Variants in ERN1 observed in about 807,000 individuals in gnomAD.
ERN1 encodes serine/threonine-protein kinase/endoribonuclease IRE1.
ERN1 carries 39 observed loss-of-function variants against 113.1 expected under a neutral mutation model. That is an observed-to-expected ratio of 0.34 (90% CI 0.27 to 0.45). ERN1 has a LOEUF of 0.45. Ranked by LOEUF, ERN1 falls within the 20% of genes least tolerant of loss-of-function variation. The probability of loss-of-function intolerance (pLI) is 1.00; values close to 1 mark genes in which losing one functional copy is unlikely to be tolerated. For synonymous variants in ERN1, 507 were observed against 515.9 expected (o/e 0.98, Z 0.23); for missense variants, 976 against 1,274.8 (o/e 0.77, Z 3.57).
intron 3 of ERN1, chr17:64,080,552 C>A (rs1913735136): frequency 4.1e-6 from 2 of 486,336 alleles, no homozygotes; most frequent in Non-Finnish European, 7.4e-6. Context: ...TGAGTTTCAT[C>A]TCAAATAAGC....
chr17:64,043,643 C>T lies in ERN1; in HGVS notation c.*345G>A, dbSNP rs777889741. 9.9e-6 allele frequency: 2 copies of T among 201,676 alleles called. No homozygotes were observed. Among genetic ancestry groups the T allele is most frequent in the Non-Finnish European group, 9.9e-6 (1 of 100,980 alleles). 12.5% of individuals were successfully genotyped at this position (201,676 alleles called of 1,614,324 possible). ...TTCCCTCCTCTCCCTTCCTGAAAGG[C>T]CTGTAGACTGACATTAAGCAGGAAT... On this transcript the variant is annotated 3_prime_UTR_variant, in exon 22 of 22. Transcript: ENST00000433197.
intron 2 of ERN1, among the ~76,000 whole-genome samples, chr17:64,089,483 T>G (rs774322200): frequency 1.3e-5 from 2 of 152,110 alleles, no homozygotes; most frequent in African/African-American, 2.4e-5. Context: ...ATTTTCAGAT[T>G]TGAGATGTTC....
At chr17:64,083,055 T>C (rs1913816797) in intron 2 of ERN1, among the ~76,000 whole-genome samples, 1 of 152,314 alleles carries the variant, frequency 6.6e-6, no homozygotes, top group Non-Finnish European at 1.5e-5. Flanking sequence ...AATGACCTAA[T>C]TCTGTAAATG....
chr17:64,117,730 C>G (rs990325898), intron 1 of ERN1, among the ~76,000 whole-genome samples: 1 of 152,130 alleles, frequency 6.6e-6, no homozygotes, highest in South Asian at 2.1e-4. Context: ...GACAGGTGAG[C>G]GAGAGCCGAT....
intron 2 of ERN1, among the ~76,000 whole-genome samples, chr17:64,089,691 G>A (rs1430050275): frequency 6.6e-6 from 1 of 152,114 alleles, no homozygotes; most frequent in Non-Finnish European, 1.5e-5. Context: ...AGATAGACCC[G>A]AGCCGGGGTG....
rs1912342699 is a variant in ERN1, at chr17:64,041,706, T to C, written c.*2282A>G. The C allele has an allele frequency of 6.6e-6, 1 of 152,210 alleles. No individual in the cohort carries two copies. Among genetic ancestry groups the C allele is most frequent in the South Asian group, 2.1e-4 (1 of 4,830 alleles). 9.4% of individuals were successfully genotyped at this position (152,210 alleles called of 1,614,324 possible). On this transcript the variant is annotated 3_prime_UTR_variant, in exon 22 of 22. Transcript: ENST00000433197. The stretch of plus-strand genomic sequence containing the variant: ...GCCCTTCCCCACACACTTTGGTTTC[T>C]TTGTGGCAGCAACACTTTTTTATTG...
At chr17:64,066,143 G>GAC (rs374480510) in intron 8 of ERN1, among the ~76,000 whole-genome samples, 27 of 151,784 alleles carry the variant, frequency 1.8e-4, no homozygotes, top group African/African-American at 5.1e-4. Flanking sequence ...CTGAGTCTTG[G>GAC]ACACACACAC....
chr17:64,066,868 G>A lies in ERN1; in HGVS notation c.645C>T (p.Asp215=), dbSNP rs367596145. ...AGGCGTAGTTTTGGATCCACAGGAC[G>A]TCCCCAGATTCACTGTCCACAGTCA... ...LVVTVDSESG[D]VLWIQNYASP... Residue 215 remains aspartate (D), a synonymous_variant, in exon 8 of 22, where the codon GAC becomes GAT. Coordinates refer to ENST00000433197, the MANE Select transcript of ERN1 (RefSeq NM_001433.5). The A allele has an allele frequency of 9.9e-6, 16 of 1,613,866 alleles. No individual in the cohort carries two copies. In the African/African-American group the frequency reaches 1.2e-4, roughly 12 times the overall value.
intron 1 of ERN1, among the ~76,000 whole-genome samples, chr17:64,112,493 C>T (rs1217307555): frequency 1.3e-5 from 2 of 152,088 alleles, no homozygotes; most frequent in East Asian, 3.9e-4. Flanking sequence ...ACCTATGATG[C>T]TGCGGCTAAA....
intron 1 of ERN1, among the ~76,000 whole-genome samples, chr17:64,125,570 C>T (rs1382701063): frequency 2.6e-5 from 4 of 152,152 alleles, no homozygotes; most frequent in Admixed American, 6.5e-5. Flanking sequence ...CTCACTGCAA[C>T]CTCTACCTCC....
At chr17:64,077,220 C>T (rs1029507273) in intron 4 of ERN1, among the ~76,000 whole-genome samples, 2 of 152,310 alleles carry the variant, frequency 1.3e-5, no homozygotes, top group African/African-American at 2.4e-5. Flanking sequence ...TTAAAGTCCA[C>T]AATCCACTTA....
chr17:64,064,172 G>C, intron 9 of ERN1, 21 bp from the exon 10 acceptor site: 1 of 1,571,694 alleles, frequency 6.4e-7, no homozygotes, highest in Non-Finnish European at 8.6e-7. Context: ...GGTGCAGTGA[G>C]GGTCAGGAGC....
At chr17:64,096,624 C>G (rs8082272) in intron 2 of ERN1, among the ~76,000 whole-genome samples, 7,488 of 152,226 alleles carry the variant, frequency 0.049, 587 homozygotes, top group African/African-American at 0.17. Flanking sequence ...AAAGGTTGGG[C>G]ACTGCTGCTA....
intron 11 of ERN1, among the ~76,000 whole-genome samples, chr17:64,059,805 C>G (rs1198932958): frequency 2.6e-5 from 4 of 151,576 alleles, no homozygotes; most frequent in African/African-American, 9.7e-5. Context: ...AGGCCACTCT[C>G]TGTCTGCTTC....
At chr17:64,060,155 C>G (rs1913006011) in intron 11 of ERN1, among the ~76,000 whole-genome samples, 1 of 152,154 alleles carries the variant, frequency 6.6e-6, no homozygotes, top group Admixed American at 6.5e-5. Context: ...GCATTCTTCC[C>G]ACTCCAGGCT....
intron 1 of ERN1, among the ~76,000 whole-genome samples, chr17:64,113,868 A>G (rs1342491699): frequency 6.6e-6 from 1 of 151,938 alleles, no homozygotes; most frequent in East Asian, 1.9e-4. Flanking sequence ...TTTTCAGTAG[A>G]GATGGGGGTT....
chr17:64,083,539 G>GA (rs1273232159), intron 2 of ERN1, among the ~76,000 whole-genome samples: 12 of 151,412 alleles, frequency 7.9e-5, no homozygotes, highest in South Asian at 2.1e-4. Context: ...TTTACTTTCA[G>GA]AAAAAAAAAG....
Position 64,049,158 on chromosome 17 carries a change from G to A in ERN1, c.2298C>T (p.Tyr766=), listed in dbSNP as rs1369603476. ...DIFSAGCVFY[Y]VISEGSHPFG... is the part of the protein sequence containing the mutation. ...AAGGGTGGCTGCCCTCAGAGATTAC[G>A]TAGTAAAAGACGCAGCCTGCAGAAA... is the stretch of plus-strand genomic sequence containing the variant. The change falls in exon 18 of 22, where the codon TAC becomes TAT. Residue 766 remains tyrosine (Y), a synonymous_variant. Transcript: ENST00000433197. This position sits in a 1 kb window ranked among gnomAD's most constrained non-coding sequence, Gnocchi z 4.7. The A allele has an allele frequency of 2.5e-6, 4 of 1,607,896 alleles. No individual in the cohort carries two copies. Among genetic ancestry groups the A allele is most frequent in the East Asian group, 2.2e-5 (1 of 44,688 alleles).
chr17:64,121,412 C>T (rs1433453873), intron 1 of ERN1, among the ~76,000 whole-genome samples: 1 of 152,188 alleles, frequency 6.6e-6, no homozygotes, highest in Non-Finnish European at 1.5e-5. Flanking sequence ...CGAGATGTTA[C>T]TGAAAACATG....
Sources: gnomAD v4.1 joint callset for allele counts (sites outside exome capture counted in the v4.1 genomes callset) on GRCh38, gnomAD v4.1.1 for gene constraint, Gnocchi (gnomAD v3.1) non-coding constraint, MANE v1.5 for transcripts, NCBI Gene and HGNC (gene_info 2026-07-23, HGNC 2026-07-21) for gene names.